The following CMSS1 variants were observed in gnomAD, a reference collection of about 807,000 sequenced individuals.
CMSS1 encodes protein CMSS1.
Under a neutral mutation model 43.5 loss-of-function variants are expected in CMSS1, and 33 were observed. That is an observed-to-expected ratio of 0.76 (90% confidence interval 0.57 to 1.01). The LOEUF is 1.01. CMSS1 is among the 50% of genes least tolerant of loss of function. CMSS1 has a pLI of 0.00. For synonymous variants in CMSS1, 115 were observed against 117.2 expected, an observed-to-expected ratio of 0.98 and a Z score of 0.12; for missense variants, 313 against 326.4, an observed-to-expected ratio of 0.96 and a Z score of 0.32.
chr3:100,009,541 T>C (rs1261409057), intron 1 of CMSS1, among the ~76,000 whole-genome samples: 2 of 152,186 alleles, frequency 1.3e-5, no homozygotes, highest in Non-Finnish European at 2.9e-5. Flanking sequence ...ACTGAGCCTT[T>C]TCACTTGATA....
At chr3:99,847,997 AAAGT>A (rs1943445012) in intron 1 of CMSS1, 2 of 1,086,332 alleles carry the variant, frequency 1.8e-6, no homozygotes, top group African/African-American at 3.3e-5. Context: ...CAGTCAAATT[AAAGT>A]GAGTTATGGA....
intron 1 of CMSS1, among the ~76,000 whole-genome samples, chr3:100,034,762 G>A (rs893760236): frequency 2.0e-5 from 3 of 152,174 alleles, no homozygotes; most frequent in African/African-American, 7.2e-5. Context: ...TTCCTAATGG[G>A]AAGGAGGGGC....
chr3:100,055,087 C>G (rs1433590767), intron 1 of CMSS1, among the ~76,000 whole-genome samples: 4 of 152,140 alleles, frequency 2.6e-5, no homozygotes, highest in African/African-American at 9.7e-5. Context: ...CTGGAAGTCT[C>G]CTGCCTCAGA....
At chr3:99,858,823 C>G (rs1944101882) in intron 1 of CMSS1, among the ~76,000 whole-genome samples, 1 of 152,232 alleles carries the variant, frequency 6.6e-6, no homozygotes, top group Admixed American at 6.5e-5. Context: ...AGAGGATAGA[C>G]AGTTGAAACA....
intron 1 of CMSS1, among the ~76,000 whole-genome samples, chr3:100,089,285 T>A (rs2066064328): frequency 6.6e-6 from 1 of 152,188 alleles, no homozygotes; most frequent in South Asian, 2.1e-4. Flanking sequence ...AAGTATTTTA[T>A]TATTTAGAGT....
chr3:100,028,207 T>C (rs2064962203), intron 1 of CMSS1, among the ~76,000 whole-genome samples: 1 of 152,200 alleles, frequency 6.6e-6, no homozygotes, highest in African/African-American at 2.4e-5. Flanking sequence ...ATGATATCAT[T>C]ATCCCAGTTT....
At chr3:100,004,901 G>A (rs1202530659) in intron 1 of CMSS1, among the ~76,000 whole-genome samples, 1 of 152,154 alleles carries the variant, frequency 6.6e-6, no homozygotes, top group Non-Finnish European at 1.5e-5. Context: ...CTGTTGGCAA[G>A]CAGATTCTCA....
intron 1 of CMSS1, among the ~76,000 whole-genome samples, chr3:99,960,696 A>T (rs1213353880): frequency 6.6e-6 from 1 of 152,124 alleles, no homozygotes; most frequent in African/African-American, 2.4e-5. Flanking sequence ...GATTGAGGGG[A>T]GGAACACTTT....
intron 1 of CMSS1, among the ~76,000 whole-genome samples, chr3:100,106,974 G>A (rs778056913): frequency 1.1e-3 from 172 of 152,290 alleles, no homozygotes; most frequent in Non-Finnish European, 1.0e-3. Flanking sequence ...GTGGTGACTG[G>A]CATTTTGCCA....
At chr3:100,088,563 C>T (rs144028753) in intron 1 of CMSS1, among the ~76,000 whole-genome samples, 5 of 152,162 alleles carry the variant, frequency 3.3e-5, no homozygotes, top group Middle Eastern at 3.4e-3. Flanking sequence ...GCTGAGAAAA[C>T]GATTACATTT....
At chr3:99,919,187 T>C (rs1312820234) in intron 1 of CMSS1, among the ~76,000 whole-genome samples, 1 of 152,114 alleles carries the variant, frequency 6.6e-6, no homozygotes, top group South Asian at 2.1e-4. Flanking sequence ...TAAAATACTT[T>C]AGTTTAATGT....
At chr3:100,160,035 G>A (rs1325799641) in intron 2 of CMSS1, 1 of 413,268 alleles carries the variant, frequency 2.4e-6, no homozygotes, top group Non-Finnish European at 4.8e-6. Flanking sequence ...GCTAGTTCAT[G>A]GAAAACCTTA....
intron 1 of CMSS1, among the ~76,000 whole-genome samples, chr3:100,132,992 T>C (rs751774471): frequency 6.6e-6 from 1 of 152,152 alleles, no homozygotes; most frequent in Non-Finnish European, 1.5e-5. Context: ...TGATGACTTA[T>C]AAATTGACCC....
intron 1 of CMSS1, chr3:100,075,482 C>A (rs2065835502): frequency 6.6e-6 from 1 of 151,984 alleles, no homozygotes; most frequent in Non-Finnish European, 1.5e-5. Context: ...TTTATAAGTT[C>A]TCTTACCTTC....
At chr3:99,939,248 T>G (rs1048283558) in intron 1 of CMSS1, among the ~76,000 whole-genome samples, 2 of 152,228 alleles carry the variant, frequency 1.3e-5, no homozygotes, top group African/African-American at 4.8e-5. Context: ...ACTTGTTATA[T>G]GCCTGTGAGT....
chr3:100,137,770 G>A (rs1265007100), intron 1 of CMSS1, among the ~76,000 whole-genome samples: 2 of 152,236 alleles, frequency 1.3e-5, no homozygotes, highest in South Asian at 2.1e-4. Flanking sequence ...GTTTCACCAT[G>A]TTAGCCAGGA....
At chr3:100,084,517 C>T (rs1367651950) in intron 1 of CMSS1, among the ~76,000 whole-genome samples, 1 of 152,122 alleles carries the variant, frequency 6.6e-6, no homozygotes, top group Non-Finnish European at 1.5e-5. Context: ...TTAAAAGGAA[C>T]AGCCACTAAA....
intron 1 of CMSS1, among the ~76,000 whole-genome samples, chr3:100,050,680 G>A (rs1030421567): frequency 1.3e-4 from 20 of 152,028 alleles, no homozygotes; most frequent in Non-Finnish European, 1.9e-4. Context: ...ACAGGTGTGC[G>A]CCACCTTGCC....
At chr3:99,988,146 A>G (rs1377653313) in intron 1 of CMSS1, among the ~76,000 whole-genome samples, 1 of 152,126 alleles carries the variant, frequency 6.6e-6, no homozygotes, top group Non-Finnish European at 1.5e-5. Flanking sequence ...AACAAAAGCT[A>G]AAAGAATTGT....
Sources: allele counts gnomAD v4.1 joint callset (sites outside exome capture counted in the v4.1 genomes callset), GRCh38; gene constraint gnomAD v4.1.1; transcripts MANE v1.5; gene names NCBI Gene and HGNC (gene_info 2026-07-23, HGNC 2026-07-21).